The following FARP1 variants were observed in gnomAD, a reference collection of about 807,000 sequenced individuals.
FARP1 encodes FERM, ARHGEF and pleckstrin domain-containing protein 1.
Under a neutral mutation model 128.8 loss-of-function variants are expected in FARP1, and 52 were observed. That is an observed-to-expected ratio of 0.40 (90% CI 0.32 to 0.51). The LOEUF is 0.51. FARP1 is among the 20% of genes least tolerant of loss of function. FARP1 has a pLI of 0.45. For missense variants in FARP1, 1,333 were observed against 1,367.9 expected (o/e 0.97, Z 0.40); for synonymous variants, 580 against 551.8 (o/e 1.05, Z -0.72).
At chr13:98,309,253 G>A (rs1886338299) in intron 2 of FARP1, among the ~76,000 whole-genome samples, 1 of 125,732 alleles carries the variant, frequency 8.0e-6, no homozygotes, top group Non-Finnish European at 1.6e-5. Context: ...TGCAAGCTCC[G>A]CCTCCCGGGT....
At chr13:98,393,787 C>T in intron 12 of FARP1, 69 bp downstream of exon 12, 1 of 1,187,540 alleles carries the variant, frequency 8.4e-7, no homozygotes, top group South Asian at 1.3e-5. Flanking sequence ...CCCTGGGCTT[C>T]AGAGCGGGCT....
intron 2 of FARP1, among the ~76,000 whole-genome samples, chr13:98,279,111 A>G (rs1884809857): frequency 6.6e-6 from 1 of 151,942 alleles, no homozygotes; most frequent in African/African-American, 2.4e-5. Context: ...CTGGGATTAC[A>G]GGCGTGAGCC....
intron 2 of FARP1, chr13:98,338,597 G>A (rs1306460677): frequency 6.6e-6 from 1 of 152,124 alleles, no homozygotes; most frequent in Non-Finnish European, 1.5e-5. Flanking sequence ...CTAGCTTTTG[G>A]CTATTGTGAA....
chr13:98,232,181 T>A (rs1882170250), intron 2 of FARP1, among the ~76,000 whole-genome samples: 3 of 132,618 alleles, frequency 2.3e-5, no homozygotes, highest in African/African-American at 2.9e-5. Context: ...AACTAATGAA[T>A]CTTTAGGGGC....
intron 2 of FARP1, among the ~76,000 whole-genome samples, chr13:98,281,176 A>G (rs1884919250): frequency 6.6e-6 from 1 of 152,176 alleles, no homozygotes; most frequent in African/African-American, 2.4e-5. Flanking sequence ...CAACATGGTA[A>G]AGCCTGTCTC....
chr13:98,274,186 T>G (rs919307964), intron 2 of FARP1, among the ~76,000 whole-genome samples: 1 of 152,138 alleles, frequency 6.6e-6, no homozygotes, highest in African/African-American at 2.4e-5. Context: ...GTCTGTGTGA[T>G]TGTTAGAGGA....
At chr13:98,293,533 G>A (rs1368670584) in intron 2 of FARP1, among the ~76,000 whole-genome samples, 2 of 152,186 alleles carry the variant, frequency 1.3e-5, no homozygotes, top group African/African-American at 4.8e-5. Context: ...AGAAACCTCT[G>A]GGTGTCCTGC....
At chr13:98,384,983 G>A in intron 7 of FARP1, 139 bp downstream of exon 7, 2 of 620,990 alleles carry the variant, frequency 3.2e-6, no homozygotes, top group East Asian at 5.5e-5. Flanking sequence ...GATCACAGAG[G>A]CTCATTGGGA....
rs186731606 is a variant in FARP1 at position 98,145,445 on chromosome 13, G to C, written c.-24+1953G>C. On this transcript the variant is annotated intron_variant, in intron 1 of 26. Coordinates refer to ENST00000319562, the MANE Select transcript of FARP1 (RefSeq NM_005766.4). ...GAATGTTAACTTTACTCTGTAGCCA[G>C]ACTTATCAAAGAAGATCTTAAAATA... is the stretch of plus-strand genomic sequence containing the variant. Among the ~76,000 whole-genome samples, 465 of 152,314 alleles carry C rather than the reference G, an allele frequency of 3.1e-3. 1 individual carries two copies. Among genetic ancestry groups the C allele is most frequent in the South Asian group, 5.0e-3 (24 of 4,828 alleles).
At chr13:98,420,849 T>C (rs7983237) in intron 16 of FARP1, among the ~76,000 whole-genome samples, 27,851 of 152,226 alleles carry the variant, frequency 0.18, 2,729 homozygotes, top group Middle Eastern at 0.26. Context: ...AGGAACACTT[T>C]GGCTTTATAC....
intron 21 of FARP1, 33 bp from the exon 22 acceptor site, chr13:98,439,928 C>T (rs771416265): frequency 4.2e-6 from 6 of 1,440,714 alleles, no homozygotes; most frequent in Non-Finnish European, 5.7e-6. Flanking sequence ...GCATCACGTG[C>T]CTCATGGTGA....
In FARP1 at chr13:98,354,903, A is replaced by T. The variant is rs1269221922; in HGVS notation, c.277-10492A>T. 2.0e-5 allele frequency among the ~76,000 whole-genome samples: 3 copies of T among 152,224 alleles called. No individual in the cohort carries two copies. The East Asian group carries it at 5.8e-4, about 29-fold the overall frequency. On this transcript the variant is annotated intron_variant, in intron 3 of 26. Coordinates refer to ENST00000319562, the MANE Select transcript of FARP1 (RefSeq NM_005766.4). ...TGAAACATAGCTAGTGCAAATTGAA[A>T]TGTAATCTAAGTATGAAATAGGTGT... is the stretch of plus-strand genomic sequence containing the variant.
At chr13:98,385,623 A>C in intron 7 of FARP1, 44 bp from the exon 8 acceptor site, 3 of 1,591,546 alleles carry the variant, frequency 1.9e-6, no homozygotes, top group South Asian at 1.1e-5. Flanking sequence ...AGATACAGGG[A>C]ATTCAAATCT....
intron 3 of FARP1, among the ~76,000 whole-genome samples, chr13:98,353,387 T>C (rs1364920147): frequency 2.0e-5 from 3 of 152,196 alleles, no homozygotes; most frequent in African/African-American, 7.2e-5. Flanking sequence ...ATTATTATTA[T>C]TACTTTTTGA....
rs547676952 is a variant in FARP1, at chr13:98,439,181, G to A, written c.2418G>A (p.Pro806=). The A allele has an allele frequency of 8.1e-6, 13 of 1,613,074 alleles. No homozygotes were observed. The highest frequency in any genetic ancestry group is 4.0e-5 in the African/African-American group (3 of 75,036). ...SNQFKVHGQL[P]LYGMTIEESE... is the part of the protein sequence containing the mutation. Reference sequence around the variant, plus strand: ...AGTTTAAAGTCCACGGGCAGCTCCCGCTCTATGGCATGACGGTGAGTACAG... The same window carrying A: ...AGTTTAAAGTCCACGGGCAGCTCCCACTCTATGGCATGACGGTGAGTACAG... Residue 806 remains proline, a synonymous_variant, in exon 21 of 27, where the codon CCG becomes CCA. Coordinates refer to ENST00000319562, the MANE Select transcript of FARP1 (RefSeq NM_005766.4).
chr13:98,204,115 C>T (rs1293719228), intron 1 of FARP1: 1 of 152,242 alleles, frequency 6.6e-6, no homozygotes, highest in African/African-American at 2.4e-5. Flanking sequence ...TAGATCAACC[C>T]TGGCAATCAC....
chr13:98,226,178 G>A (rs1397840561), intron 2 of FARP1, among the ~76,000 whole-genome samples: 1 of 152,190 alleles, frequency 6.6e-6, no homozygotes, highest in African/African-American at 2.4e-5. Flanking sequence ...GTGTCTTCAG[G>A]GTTGGTTCCT....
At chr13:98,146,720 C>A (rs1026649924) in intron 1 of FARP1, among the ~76,000 whole-genome samples, 2 of 152,180 alleles carry the variant, frequency 1.3e-5, no homozygotes. Flanking sequence ...TTTGGAAGGA[C>A]AGGCATTCCC....
At chr13:98,390,208 G>T in intron 10 of FARP1, 88 bp downstream of exon 10, 1 of 1,419,308 alleles carries the variant, frequency 7.0e-7, no homozygotes, top group Non-Finnish European at 9.6e-7. Flanking sequence ...GCAGGTCAGG[G>T]AGGTGAACGC....
Sources: allele counts gnomAD v4.1 joint callset (sites outside exome capture counted in the v4.1 genomes callset), GRCh38; gene constraint gnomAD v4.1.1; transcripts MANE v1.5; gene names NCBI Gene and HGNC (gene_info 2026-07-23, HGNC 2026-07-21).